MTREX: variants seen among roughly 807,000 people sequenced by gnomAD.
MTREX encodes exosome RNA helicase MTR4.
MTREX carries 76 observed loss-of-function variants against 135.4 expected under a neutral mutation model. That is an observed-to-expected ratio of 0.56 (90% CI 0.47 to 0.68). MTREX has a LOEUF of 0.68. Among genes scored for constraint, MTREX ranks in the 30% least tolerant of loss-of-function variants. The pLI is 0.00. For synonymous variants in MTREX, 404 were observed against 401.6 expected (o/e 1.01, Z -0.07); for missense variants, 920 against 1,262.1 (o/e 0.73, Z 4.11).
At chr5:55,340,694 G>C (rs1461962609) in intron 6 of MTREX, among the ~76,000 whole-genome samples, 1 of 152,130 alleles carries the variant, frequency 6.6e-6, no homozygotes, top group Admixed American at 6.5e-5. Flanking sequence ...CCATTCTCCT[G>C]CCTCAGCCTC....
At chr5:55,418,039 C>A (rs1321122363) in intron 25 of MTREX, among the ~76,000 whole-genome samples, 2 of 151,236 alleles carry the variant, frequency 1.3e-5, no homozygotes, top group African/African-American at 4.8e-5. Flanking sequence ...TCGAGACCAT[C>A]CTGGCTAACA....
intron 16 of MTREX, among the ~76,000 whole-genome samples, chr5:55,376,708 C>T (rs1750306575): frequency 6.6e-6 from 1 of 152,192 alleles, no homozygotes; most frequent in African/African-American, 2.4e-5. Flanking sequence ...TCTAGACCAA[C>T]ATTGTGGCCA....
At chr5:55,345,262 T>A in intron 10 of MTREX, 66 bp downstream of exon 10, 2 of 1,060,806 alleles carry the variant, frequency 1.9e-6, no homozygotes, top group Non-Finnish European at 2.8e-6. Context: ...ACTCTGATAT[T>A]TTTTGTCTTA....
rs67612518 is a variant in MTREX at position 55,338,786 on chromosome 5, C to CTTTTTTTTTTTTTTTT, written c.516-1217_516-1202dup. Among the ~76,000 whole-genome samples, 52 of 92,234 alleles carry CTTTTTTTTTTTTTTTT rather than the reference C, an allele frequency of 5.6e-4. 2 individuals carry two copies. The highest frequency in any genetic ancestry group is 1.8e-3 in the African/African-American group (40 of 21,768). 60.5% of individuals were successfully genotyped at this position (92,234 alleles called of 152,430 possible). A position where few individuals can be genotyped will look rare whatever the true frequency, so the allele number is the denominator to read the frequency against. On this transcript the variant is annotated intron_variant, in intron 5 of 26. Transcript: ENST00000230640. ...TTGTTAATCTGTAGACTTTCTTTTTCTTTTTTTTTTTTTTTTTTTTTTGAG... is the reference window on the plus strand; with the variant it reads ...TTGTTAATCTGTAGACTTTCTTTTTCTTTTTTTTTTTTTTTTTTTTTTTTTTTTTTTTTTTTTTGAG...
chr5:55,394,466 A>G (rs1170854246), intron 19 of MTREX, among the ~76,000 whole-genome samples: 1 of 152,140 alleles, frequency 6.6e-6, no homozygotes, highest in East Asian at 1.9e-4. Flanking sequence ...AGTGTGGAGC[A>G]GGGGTGGTTT....
chr5:55,395,274 C>T (rs1426814319), intron 19 of MTREX, among the ~76,000 whole-genome samples: 2 of 151,940 alleles, frequency 1.3e-5, no homozygotes, highest in East Asian at 3.9e-4. Flanking sequence ...GGCATGGTGG[C>T]ACACGCCTAT....
chr5:55,373,191 T>C (rs1028817283), intron 16 of MTREX, among the ~76,000 whole-genome samples: 1 of 151,472 alleles, frequency 6.6e-6, no homozygotes, highest in African/African-American at 2.4e-5. Flanking sequence ...TGTCTTATTA[T>C]AGGTCATAAG....
At chr5:55,377,187 C>T (rs1750317409) in intron 16 of MTREX, among the ~76,000 whole-genome samples, 1 of 152,038 alleles carries the variant, frequency 6.6e-6, no homozygotes, top group Non-Finnish European at 1.5e-5. Context: ...ATTAGCTGGG[C>T]ATGGTAGCGG....
intron 1 of MTREX, among the ~76,000 whole-genome samples, chr5:55,322,116 G>A (rs1220494608): frequency 6.6e-6 from 1 of 152,012 alleles, no homozygotes; most frequent in Non-Finnish European, 1.5e-5. Flanking sequence ...ATTTTAAACC[G>A]TCAAAGAAAA....
At chr5:55,378,836 A>G (rs1166117655) in intron 17 of MTREX, among the ~76,000 whole-genome samples, 2 of 152,208 alleles carry the variant, frequency 1.3e-5, no homozygotes, top group African/African-American at 4.8e-5. Context: ...TGAATTCATT[A>G]GATATAAATG....
At chr5:55,335,149 C>T (rs868020297) in intron 5 of MTREX, among the ~76,000 whole-genome samples, 26 of 152,078 alleles carry the variant, frequency 1.7e-4, no homozygotes, top group Middle Eastern at 3.4e-3. Context: ...TTATTTCAGT[C>T]TTGCTGATGT....
intron 19 of MTREX, among the ~76,000 whole-genome samples, chr5:55,394,152 G>A (rs1014660531): frequency 6.6e-6 from 1 of 152,138 alleles, no homozygotes; most frequent in African/African-American, 2.4e-5. Flanking sequence ...TCGACTACAG[G>A]TATATAAAAA....
At chr5:55,364,005 G>A (rs917772427) in intron 15 of MTREX, among the ~76,000 whole-genome samples, 2 of 152,160 alleles carry the variant, frequency 1.3e-5, no homozygotes, top group African/African-American at 2.4e-5. Flanking sequence ...GATAATTCTA[G>A]TTCAGGGAAA....
In MTREX at chr5:55,372,516, A is replaced by T. The variant is rs116184874; in HGVS notation, c.1810+5641A>T. ...CAGTCCCTAGGAAAGCTTTGTGGGG[A>T]TACGTGCACTATTGTTATCCTCATT... On this transcript the variant is annotated intron_variant, in intron 16 of 26. Transcript: ENST00000230640. 2.4e-3 allele frequency among the ~76,000 whole-genome samples: 359 copies of T among 152,252 alleles called. 3 individuals carry two copies. The highest frequency in any genetic ancestry group is 8.1e-3 in the African/African-American group (335 of 41,556).
At chr5:55,420,389 T>G (rs977162483) in intron 25 of MTREX, among the ~76,000 whole-genome samples, 15 of 152,204 alleles carry the variant, frequency 9.9e-5, no homozygotes, top group African/African-American at 3.4e-4. Flanking sequence ...TAAAATGCTC[T>G]TAAATAAAAG....
rs374331626 is a variant in MTREX at position 55,333,907 on chromosome 5, T to C, written c.515+5096T>C. Among the ~76,000 whole-genome samples the C allele has an allele frequency of 1.3e-4, 20 of 152,284 alleles. No homozygotes were observed. In the East Asian group the frequency reaches 2.9e-3, roughly 22 times the overall value. On this transcript the variant is annotated intron_variant, in intron 5 of 26. Coordinates refer to ENST00000230640, the MANE Select transcript of MTREX (RefSeq NM_015360.5). The stretch of plus-strand genomic sequence containing the variant: ...TAAACAAATCTTCACAGCAGCGCTA[T>C]TCACAATAGCCAAAAGGTAGAAACA...
At chr5:55,355,194 T>C (rs979418017) in intron 14 of MTREX, among the ~76,000 whole-genome samples, 4 of 152,024 alleles carry the variant, frequency 2.6e-5, no homozygotes, top group Admixed American at 2.6e-4. Flanking sequence ...GATGGGTGTG[T>C]ATGATGGATG....
intron 22 of MTREX, 73 bp downstream of exon 22, chr5:55,405,661 T>A (rs1750792909): frequency 7.3e-7 from 1 of 1,375,872 alleles, no homozygotes; most frequent in Non-Finnish European, 9.9e-7. Flanking sequence ...TTTATTTTTT[T>A]TGAGATGGAG....
At chr5:55,412,269 T>A (rs1221003631) in intron 23 of MTREX, among the ~76,000 whole-genome samples, 1 of 152,200 alleles carries the variant, frequency 6.6e-6, no homozygotes, top group Non-Finnish European at 1.5e-5. Flanking sequence ...TTGTTATAAG[T>A]AAGATGAAAT....
Sources: allele counts gnomAD v4.1 joint callset (sites outside exome capture counted in the v4.1 genomes callset), GRCh38; gene constraint gnomAD v4.1.1; transcripts MANE v1.5; gene names NCBI Gene and HGNC (gene_info 2026-07-23, HGNC 2026-07-21).